GAS7: variants seen among roughly 807,000 people sequenced by gnomAD.
GAS7 encodes the protein growth arrest-specific protein 7.
Under a neutral mutation model 71.1 loss-of-function variants are expected in GAS7, and 28 were observed. The ratio of observed to expected loss-of-function variants is 0.39; its 90% CI spans 0.29 to 0.54. The LOEUF (loss-of-function observed/expected upper bound fraction) is 0.54. Ranked by LOEUF, GAS7 falls within the 20% of genes least tolerant of loss-of-function variation. The pLI, the probability that GAS7 is intolerant of heterozygous loss-of-function variation, is 0.62. For synonymous variants in GAS7, 258 were observed against 245.8 expected, an observed-to-expected ratio of 1.05 and a Z score of -0.46; for missense variants, 436 against 627.8, an observed-to-expected ratio of 0.69 and a Z score of 3.27.
intron 5 of GAS7, among the ~76,000 whole-genome samples, chr17:9,948,634 G>A (rs983846577): frequency 5.3e-5 from 8 of 151,712 alleles, no homozygotes; most frequent in Non-Finnish European, 1.2e-4. Context: ...AGTGAGCCGA[G>A]ATTGTGCCAT....
At chr17:9,931,800 G>C (rs757372304) in intron 9 of GAS7, among the ~76,000 whole-genome samples, 7 of 152,160 alleles carry the variant, frequency 4.6e-5, no homozygotes, top group Non-Finnish European at 1.0e-4. Flanking sequence ...TAAGCCATGG[G>C]GAGCTGTAGC....
chr17:10,074,713 G>A (rs910023534), intron 1 of GAS7, among the ~76,000 whole-genome samples: 4 of 152,016 alleles, frequency 2.6e-5, no homozygotes, highest in Non-Finnish European at 5.9e-5. Context: ...TTCTCAAATC[G>A]TTAAGAAAAA....
chr17:10,021,276 C>T (rs1455084002), intron 1 of GAS7, among the ~76,000 whole-genome samples: 2 of 152,120 alleles, frequency 1.3e-5, no homozygotes, highest in African/African-American at 4.8e-5. Context: ...AGTGGTGGTC[C>T]CTGGTGACCC....
intron 1 of GAS7, among the ~76,000 whole-genome samples, chr17:10,155,918 C>A (rs2074201618): frequency 6.6e-6 from 1 of 152,154 alleles, no homozygotes; most frequent in African/African-American, 2.4e-5. Context: ...GGCATTGACA[C>A]CCCGCACTCT....
At chr17:10,133,320 A>G (rs893789744) in intron 1 of GAS7, among the ~76,000 whole-genome samples, 3 of 151,904 alleles carry the variant, frequency 2.0e-5, no homozygotes, top group Non-Finnish European at 4.4e-5. Context: ...ACAGGGTTTC[A>G]CCATGTTGGC....
At chr17:10,105,593 C>G (rs1181842667) in intron 1 of GAS7, among the ~76,000 whole-genome samples, 2 of 152,068 alleles carry the variant, frequency 1.3e-5, no homozygotes, top group Non-Finnish European at 2.9e-5. Context: ...ATGCTGTTCC[C>G]CTTCCCCTCC....
At position 10,000,276 on chromosome 17, in the gene GAS7, G is replaced by A. The variant is rs528734852; in HGVS notation, c.305-18392C>T. ...CACATCTAACAAGTTCCCAGGTAAC[G>A]CTGATGCTGCTGGTCTGGGGACCAC... On this transcript the variant is annotated intron_variant, in intron 2 of 13. Coordinates refer to ENST00000432992, the MANE Select transcript of GAS7 (RefSeq NM_201433.2). 1.5e-3 allele frequency among the ~76,000 whole-genome samples: 225 copies of A among 152,316 alleles called. 1 individual carries two copies. Among genetic ancestry groups the A allele is most frequent in the African/African-American group, 5.2e-3 (216 of 41,558 alleles).
chr17:10,082,224 T>C (rs1334173963), intron 1 of GAS7, among the ~76,000 whole-genome samples: 1 of 152,184 alleles, frequency 6.6e-6, no homozygotes, highest in Non-Finnish European at 1.5e-5. Context: ...ATTTTAAACA[T>C]GCTCATGGGA....
intron 1 of GAS7, among the ~76,000 whole-genome samples, chr17:10,112,050 G>T (rs1054126612): frequency 6.6e-6 from 1 of 152,192 alleles, no homozygotes; most frequent in East Asian, 1.9e-4. Context: ...CTACCGTACT[G>T]GGCGTCACAA....
intron 1 of GAS7, among the ~76,000 whole-genome samples, chr17:10,101,005 A>G (rs1323789260): frequency 1.3e-5 from 2 of 152,178 alleles, no homozygotes; most frequent in Non-Finnish European, 2.9e-5. Context: ...GCAGTGGCTC[A>G]TGCCTGTAAT....
intron 1 of GAS7, among the ~76,000 whole-genome samples, chr17:10,035,115 C>T (rs138810961): frequency 6.6e-6 from 1 of 152,106 alleles, no homozygotes; most frequent in East Asian, 1.9e-4. Flanking sequence ...TTCGGCTCTT[C>T]CCAGCTCCTT....
chr17:9,981,845 G>A lies in GAS7; in HGVS notation c.344C>T (p.Pro115Leu). ...GCTCCTGTGAGAGCCAGGGCTGGCT[G>A]GAATCCCAGGAGAACTGCTGGGACG... Reference protein sequence around the residue: ...WERPSSSPGIPASPGSHRSSL... With the variant: ...WERPSSSPGILASPGSHRSSL... The change falls in exon 3 of 14, where the codon CCA (proline) becomes CTA (leucine). Residue 115 changes from proline to leucine, a missense_variant. Coordinates refer to ENST00000432992, the MANE Select transcript of GAS7 (RefSeq NM_201433.2). This position sits in a 1 kb window ranked among gnomAD's most constrained non-coding sequence, Gnocchi z 4.4. 2 of 1,605,788 alleles carry A rather than the reference G, an allele frequency of 1.2e-6. No individual in the cohort carries two copies. Among genetic ancestry groups the A allele is most frequent in the Non-Finnish European group, 1.7e-6 (2 of 1,172,376 alleles).
At position 10,019,778 on chromosome 17, in the gene GAS7, A is replaced by G; in HGVS notation, c.303T>C (p.Asn101=). 2.5e-6 allele frequency: 4 copies of G among 1,613,528 alleles called. No individual in the cohort carries two copies. Among genetic ancestry groups the G allele is most frequent in the Non-Finnish European group, 3.4e-6 (4 of 1,179,750 alleles). The change falls in exon 2 of 14, where the codon AAT becomes AAC. Residue 101 remains asparagine (N), a splice_region_variant and synonymous_variant. Transcript: ENST00000432992. The part of the protein sequence containing the change: ...GRRYYVNTTT[N]ETTWERPSSS... ...GATTCTCCCCCGAGCGGGACTCACC[A>G]TTGGTGGTCGTGTTGACATAGTACC...
chr17:10,184,496 G>A (rs1193480973), intron 1 of GAS7, among the ~76,000 whole-genome samples: 1 of 152,174 alleles, frequency 6.6e-6, no homozygotes, highest in African/African-American at 2.4e-5. Flanking sequence ...TCTAATTCCA[G>A]GATTTAACAA....
At chr17:9,984,946 C>T (rs1205097975) in intron 2 of GAS7, among the ~76,000 whole-genome samples, 1 of 152,144 alleles carries the variant, frequency 6.6e-6, no homozygotes, top group African/African-American at 2.4e-5. Flanking sequence ...TCAGCCCTGC[C>T]TGGAGGCCGC....
intron 1 of GAS7, among the ~76,000 whole-genome samples, chr17:10,143,013 A>T (rs2074094690): frequency 1.8e-5 from 1 of 55,862 alleles, no homozygotes; most frequent in Non-Finnish European, 3.7e-5. Flanking sequence ...TCTACTAAAA[A>T]TACAAAAAAA....
intron 1 of GAS7, among the ~76,000 whole-genome samples, chr17:10,183,896 G>A (rs752754152): frequency 6.6e-5 from 10 of 151,828 alleles, no homozygotes; most frequent in Non-Finnish European, 1.2e-4. Context: ...CAGGTAGCAG[G>A]GGCTGAGCTG....
chr17:9,925,988 C>T (rs765613187), intron 10 of GAS7, among the ~76,000 whole-genome samples: 8 of 152,066 alleles, frequency 5.3e-5, no homozygotes, highest in Non-Finnish European at 8.8e-5. Flanking sequence ...ACAGCCCTCC[C>T]GTTCTGGAGC....
At chr17:10,021,640 G>A (rs552775474) in intron 1 of GAS7, among the ~76,000 whole-genome samples, 1 of 152,302 alleles carries the variant, frequency 6.6e-6, no homozygotes, top group South Asian at 2.1e-4. Context: ...ACAGTGAGGT[G>A]GACAGCAGCC....
Sources: gnomAD v4.1 joint callset for allele counts (sites outside exome capture counted in the v4.1 genomes callset) on GRCh38, gnomAD v4.1.1 for gene constraint, Gnocchi (gnomAD v3.1) non-coding constraint, MANE v1.5 for transcripts, NCBI Gene and HGNC (gene_info 2026-07-23, HGNC 2026-07-21) for gene names.